The following SRRM1 variants were observed in gnomAD, a reference collection of about 807,000 sequenced individuals.
SRRM1 encodes the protein serine and arginine repetitive matrix 1.
In SRRM1, 19 loss-of-function variants were observed where a neutral mutation model predicts 110.2. The observed-to-expected ratio is 0.17, with a 90% CI of 0.12 to 0.25. The LOEUF (loss-of-function observed/expected upper bound fraction) is 0.25, where lower values mean the gene tolerates loss of function less well. SRRM1 is among the 10% of genes least tolerant of loss of function. The pLI is 1.00. For missense variants in SRRM1, 918 were observed against 1,145.8 expected, an observed-to-expected ratio of 0.80 and a Z score of 2.87; for synonymous variants, 443 against 414.9, an observed-to-expected ratio of 1.07 and a Z score of -0.82.
In SRRM1 at chr1:24,656,570, A is replaced by G. The variant is rs564190697; in HGVS notation, c.1315+1441A>G. 2.0e-4 allele frequency among the ~76,000 whole-genome samples: 30 copies of G among 152,290 alleles called. No individual in the cohort carries two copies. In the South Asian group the frequency reaches 4.1e-3, roughly 21 times the overall value. On this transcript the variant is annotated intron_variant, in intron 9 of 16. Transcript: ENST00000323848. ...AAATTTCAGTCCATTTTCAGTTACC[A>G]TGTCCAAATCTGATGCCCATGGCCC...
chr1:24,655,178 A>G (rs751451774), intron 9 of SRRM1, 49 bp downstream of exon 9: 1 of 1,594,794 alleles, frequency 6.3e-7, no homozygotes, highest in Admixed American at 1.7e-5. Flanking sequence ...TTTGGCTACA[A>G]AGCGTAGTCA....
chr1:24,660,424 T>C (rs2148560701), intron 9 of SRRM1, among the ~76,000 whole-genome samples: 1 of 152,338 alleles, frequency 6.6e-6, no homozygotes, highest in Admixed American at 6.5e-5. Flanking sequence ...CAACAAGGTC[T>C]TACAGGAATT....
rs1659705015 is a variant in SRRM1 at position 24,649,999 on chromosome 1, A to T, written c.434A>T (p.Lys145Ile). The T allele has an allele frequency of 1.3e-6, 2 of 1,591,414 alleles. No homozygotes were observed. Among genetic ancestry groups the T allele is most frequent in the African/African-American group, 2.7e-5 (2 of 73,798 alleles). ...QIEQEKLASM[K>I]KQDEDKDKRD... is the part of the protein sequence containing the mutation. ...GAACAAGAAAAACTGGCATCTATGA[A>T]AAAGCAAGATGAAGACAAAGATAAA... Residue 145 changes from lysine to isoleucine, a missense_variant, in exon 5 of 17, where the codon AAA becomes ATA. This residue lies in a region of SRRM1 where 456 missense variants were observed against 453.5 expected (regional missense o/e 1.01). Transcript: ENST00000323848.
At chr1:24,668,097 G>A (rs970729312) in intron 13 of SRRM1, among the ~76,000 whole-genome samples, 7 of 146,390 alleles carry the variant, frequency 4.8e-5, no homozygotes, top group African/African-American at 7.6e-5. Context: ...TCAGCCTCCC[G>A]AGTAGCTGGG....
Position 24,652,897 on chromosome 1 carries a change from C to G in SRRM1, c.921-16C>G. On this transcript the variant is annotated splice_polypyrimidine_tract_variant and intron_variant, in intron 7 of 16. Coordinates refer to ENST00000323848, the MANE Select transcript of SRRM1 (RefSeq NM_005839.4). ...CTCCTGGTTTATTCAGGACCTAATT[C>G]TCTTTGTTATGGCAGATCGTATTCA... 1 of 1,611,422 alleles carries G rather than the reference C, an allele frequency of 6.2e-7. No homozygotes were observed. The highest frequency in any genetic ancestry group is 1.1e-5 in the South Asian group (1 of 90,482).
At chr1:24,644,912 A>G (rs975945976) in intron 1 of SRRM1, among the ~76,000 whole-genome samples, 10 of 152,184 alleles carry the variant, frequency 6.6e-5, no homozygotes, top group Non-Finnish European at 1.5e-4. Flanking sequence ...GGTATTGGTA[A>G]AGGTCTGGGA....
intron 13 of SRRM1, among the ~76,000 whole-genome samples, chr1:24,667,830 T>C (rs1032620325): frequency 4.6e-5 from 7 of 152,210 alleles, no homozygotes; most frequent in African/African-American, 1.4e-4. Context: ...ATATAAAATA[T>C]TAGCATGGTG....
intron 8 of SRRM1, chr1:24,654,271 T>C: frequency 7.8e-7 from 1 of 1,288,178 alleles, no homozygotes; most frequent in Non-Finnish European, 1.0e-6. Flanking sequence ...AGCCAGTTTT[T>C]ATCTCACACT....
chr1:24,667,003 T>G, intron 13 of SRRM1, 78 bp downstream of exon 13: 1 of 850,786 alleles, frequency 1.2e-6, no homozygotes, highest in South Asian at 1.7e-5. Context: ...GTAATGGTGC[T>G]CACTTCCTAA....
At position 24,653,544 on chromosome 1, in the gene SRRM1, G is replaced by A. The variant is rs575778854; in HGVS notation, c.1040+512G>A. Among the ~76,000 whole-genome samples, 10 of 152,202 alleles carry A rather than the reference G, an allele frequency of 6.6e-5. No individual in the cohort carries two copies. In the East Asian group the frequency reaches 1.2e-3, roughly 18 times the overall value. Reference sequence around the variant, plus strand: ...ATAACTTGGAAGTTTTCCATAATCCGTGGGGGAATATATCTATATTCCATA... The same window carrying A: ...ATAACTTGGAAGTTTTCCATAATCCATGGGGGAATATATCTATATTCCATA... On this transcript the variant is annotated intron_variant, in intron 8 of 16. Transcript: ENST00000323848.
At chr1:24,667,802 G>C (rs1174855648) in intron 13 of SRRM1, among the ~76,000 whole-genome samples, 1 of 152,006 alleles carries the variant, frequency 6.6e-6, no homozygotes, top group Non-Finnish European at 1.5e-5. Flanking sequence ...TTACAGTTTT[G>C]CTAATTTTCT....
At position 24,673,157 on chromosome 1, in the gene SRRM1, G is replaced by A. The variant is rs559394701; in HGVS notation, c.*871G>A. 1 of 150,720 alleles carries A rather than the reference G, an allele frequency of 6.6e-6. No homozygotes were observed. The highest frequency in any genetic ancestry group is 6.6e-5 in the Admixed American group (1 of 15,076). The allele number at this position is 150,720 out of a possible 1,614,324, so 9.3% of individuals were successfully genotyped here. A position where few individuals can be genotyped will look rare whatever the true frequency, so the allele number is the denominator to read the frequency against. On this transcript the variant is annotated 3_prime_UTR_variant, in exon 17 of 17. Coordinates refer to ENST00000323848, the MANE Select transcript of SRRM1 (RefSeq NM_005839.4). The stretch of plus-strand genomic sequence containing the variant: ...CTGGAAGGGCCCAGACTTTGGAATA[G>A]TGTCTTGGTTTCACTGTTTTTGTTT...
intron 12 of SRRM1, among the ~76,000 whole-genome samples, chr1:24,666,275 C>A (rs1030565586): frequency 5.3e-5 from 8 of 152,192 alleles, no homozygotes; most frequent in African/African-American, 9.7e-5. Context: ...ACGGTACTTA[C>A]CCTTGTCACA....
intron 9 of SRRM1, among the ~76,000 whole-genome samples, chr1:24,660,112 T>C (rs181165318): frequency 6.6e-6 from 1 of 152,364 alleles, no homozygotes; most frequent in East Asian, 1.9e-4. Context: ...TATCATCTTT[T>C]ACTTTTCTGA....
intron 4 of SRRM1, 66 bp from the exon 5 acceptor site, chr1:24,649,905 G>T: frequency 7.1e-7 from 1 of 1,410,722 alleles, no homozygotes; most frequent in Admixed American, 2.9e-5. Flanking sequence ...AACACACGTA[G>T]AAAGTAGTCT....
intron 1 of SRRM1, among the ~76,000 whole-genome samples, chr1:24,644,475 A>T (rs574334430): frequency 1.3e-5 from 2 of 152,190 alleles, no homozygotes; most frequent in South Asian, 4.1e-4. Context: ...CAAAGGAAAA[A>T]TTGGAAGGGA....
At chr1:24,667,283 C>T (rs1054064342) in intron 13 of SRRM1, among the ~76,000 whole-genome samples, 1 of 152,130 alleles carries the variant, frequency 6.6e-6, no homozygotes, top group Non-Finnish European at 1.5e-5. Flanking sequence ...ATACTAAAAT[C>T]ATTTAATTGT....
intron 16 of SRRM1, 86 bp from the exon 17 acceptor site, chr1:24,672,096 C>A: frequency 1.0e-6 from 1 of 1,000,104 alleles, no homozygotes. Context: ...GTGTGATGTT[C>A]CCCTCCCACA....
Position 24,643,492 on chromosome 1 carries a change from C to CG in SRRM1, c.21+145_21+146insG, listed in dbSNP as rs1448815346. Reference sequence around the variant, plus strand: ...TCCTAGAGCCGGCGCACCCCCCCCCCCCCCGTGCGCTGCGGCGGAGACCGG... The same window carrying CG: ...TCCTAGAGCCGGCGCACCCCCCCCCCGCCCCGTGCGCTGCGGCGGAGACCGG... On this transcript the variant is annotated intron_variant, in intron 1 of 16. Transcript: ENST00000323848. 24 of 578,454 alleles carry CG rather than the reference C, an allele frequency of 4.1e-5. No homozygotes were observed. The African/African-American group carries it at 4.7e-4, about 11-fold the overall frequency. 35.8% of individuals were successfully genotyped at this position (578,454 alleles called of 1,614,324 possible). A position where few individuals can be genotyped will look rare whatever the true frequency, so the allele number is the denominator to read the frequency against.
Sources: gnomAD v4.1 joint callset for allele counts (sites outside exome capture counted in the v4.1 genomes callset) on GRCh38, gnomAD v4.1.1 for gene constraint, gnomAD v4.1.1 regional missense constraint, MANE v1.5 for transcripts, NCBI Gene and HGNC (gene_info 2026-07-23, HGNC 2026-07-21) for gene names.